Variants in GABRG3 observed in about 807,000 individuals in gnomAD.
GABRG3 encodes the protein gamma-aminobutyric acid type A receptor subunit gamma3.
In GABRG3, 25 loss-of-function variants were observed where a neutral mutation model predicts 48.8. That is an observed-to-expected ratio of 0.51 (90% CI 0.37 to 0.72). The LOEUF is 0.72. Ranked by LOEUF, GABRG3 falls within the 30% of genes least tolerant of loss-of-function variation. GABRG3 has a pLI of 0.00. For missense variants in GABRG3, 394 were observed against 577.9 expected (o/e 0.68, Z 3.26); for synonymous variants, 227 against 217.6 (o/e 1.04, Z -0.38).
Position 27,234,923 on chromosome 15 carries a change from G to A in GABRG3, c.271-91886G>A, listed in dbSNP as rs972281302. On this transcript the variant is annotated intron_variant, in intron 3 of 9. Transcript: ENST00000615808. ...GAGGTACCCAGCGTGAGGGAAAGGG[G>A]GTTGCTGTCAGGGTGGAGGGAGATG... 2.6e-5 allele frequency among the ~76,000 whole-genome samples: 4 copies of A among 152,138 alleles called. 1 individual carries two copies. Among genetic ancestry groups the A allele is most frequent in the Admixed American group, 6.5e-5 (1 of 15,282 alleles).
chr15:27,255,959 T>C (rs1238439239), intron 3 of GABRG3, among the ~76,000 whole-genome samples: 1 of 152,234 alleles, frequency 6.6e-6, no homozygotes, highest in Non-Finnish European at 1.5e-5. Flanking sequence ...CCACCAAAGA[T>C]GTTCACTTCT....
chr15:27,481,711 CTA>C (rs1302184811), intron 6 of GABRG3, among the ~76,000 whole-genome samples: 2 of 152,112 alleles, frequency 1.3e-5, no homozygotes, highest in Admixed American at 1.3e-4. Context: ...AAAAGATTCT[CTA>C]TGAGTGTCAT....
chr15:27,276,380 C>G (rs965179470), intron 3 of GABRG3, among the ~76,000 whole-genome samples: 1 of 152,084 alleles, frequency 6.6e-6, no homozygotes, highest in Non-Finnish European at 1.5e-5. Flanking sequence ...GTTTAGTTTC[C>G]CAGGCTGTTT....
At chr15:27,105,591 T>C (rs911716877) in intron 3 of GABRG3, among the ~76,000 whole-genome samples, 7 of 152,154 alleles carry the variant, frequency 4.6e-5, no homozygotes, top group African/African-American at 1.4e-4. Context: ...TAGAAATCAT[T>C]AACATAACGT....
chr15:27,113,258 G>T (rs1339333450), intron 3 of GABRG3, among the ~76,000 whole-genome samples: 17 of 151,660 alleles, frequency 1.1e-4, no homozygotes, highest in Non-Finnish European at 1.0e-4. Context: ...TTATTTCCCT[G>T]TACATTCTTT....
At chr15:27,308,732 CATACGTTTATATGTAAACATAT>C (rs1424239192) in intron 3 of GABRG3, among the ~76,000 whole-genome samples, 2 of 149,314 alleles carry the variant, frequency 1.3e-5, no homozygotes, top group Non-Finnish European at 3.0e-5. Flanking sequence ...ATAATGTAAA[CATACGTTTATATGTAAACATAT>C]AATGTAAACA....
At chr15:27,224,482 A>C (rs980030731) in intron 3 of GABRG3, among the ~76,000 whole-genome samples, 3 of 152,160 alleles carry the variant, frequency 2.0e-5, no homozygotes, top group Non-Finnish European at 1.5e-5. Flanking sequence ...TCCCACCTGC[A>C]CTGGCAGTGC....
chr15:27,480,809 C>T, intron 6 of GABRG3, 22 bp downstream of exon 6: 2 of 1,612,218 alleles, frequency 1.2e-6, no homozygotes, highest in Non-Finnish European at 1.7e-6. Flanking sequence ...CTGAAAGAGG[C>T]ACAGCTCTCA....
intron 5 of GABRG3, among the ~76,000 whole-genome samples, chr15:27,405,130 T>C (rs1887592405): frequency 6.6e-6 from 1 of 152,222 alleles, no homozygotes; most frequent in Non-Finnish European, 1.5e-5. Context: ...GGATGCATTC[T>C]TTGGTACATA....
intron 3 of GABRG3, among the ~76,000 whole-genome samples, chr15:27,072,928 G>A (rs145826119): frequency 0.026 from 3,913 of 152,292 alleles, 65 homozygotes; most frequent in Middle Eastern, 0.075. Flanking sequence ...CACTGCTCTG[G>A]CCAGCAGATA....
intron 5 of GABRG3, among the ~76,000 whole-genome samples, chr15:27,334,199 T>TA (rs2140523503): frequency 6.6e-6 from 1 of 152,302 alleles, no homozygotes; most frequent in East Asian, 1.9e-4. Context: ...TTAAGTCAAC[T>TA]AAAAAATTAA....
intron 2 of GABRG3, among the ~76,000 whole-genome samples, chr15:27,022,733 G>C (rs535293094): frequency 6.6e-6 from 1 of 152,218 alleles, no homozygotes; most frequent in East Asian, 1.9e-4. Context: ...CCCCAGCAAG[G>C]CTGCTGTCAG....
chr15:27,284,884 A>T (rs1234447185), intron 3 of GABRG3, among the ~76,000 whole-genome samples: 1 of 152,194 alleles, frequency 6.6e-6, no homozygotes, highest in Non-Finnish European at 1.5e-5. Context: ...AATTATATAC[A>T]TATTTTCTTT....
intron 3 of GABRG3, among the ~76,000 whole-genome samples, chr15:27,090,848 T>C (rs1595518691): frequency 6.6e-6 from 1 of 152,366 alleles, no homozygotes; most frequent in East Asian, 1.9e-4. Flanking sequence ...TGATTTTTGT[T>C]GAGTTGATTT....
intron 3 of GABRG3, among the ~76,000 whole-genome samples, chr15:27,299,805 CAG>C (rs751375531): frequency 6.6e-6 from 1 of 152,082 alleles, no homozygotes; most frequent in Non-Finnish European, 1.5e-5. Context: ...GAGTGTGTGA[CAG>C]AGAGGGGGTA....
intron 3 of GABRG3, among the ~76,000 whole-genome samples, chr15:27,129,764 A>G (rs1897884519): frequency 1.3e-5 from 2 of 149,420 alleles, no homozygotes; most frequent in East Asian, 2.0e-4. Flanking sequence ...GTGGTGTCTC[A>G]TTGTAGTTTT....
At chr15:26,971,614 C>A in intron 1 of GABRG3, 26 bp downstream of exon 1, 1 of 1,521,602 alleles carries the variant, frequency 6.6e-7, no homozygotes. Context: ...GCCGCATCCC[C>A]GGAGGCCCCG....
chr15:27,145,664 T>TCGA (rs61419936), intron 3 of GABRG3, among the ~76,000 whole-genome samples: 7 of 134,364 alleles, frequency 5.2e-5, no homozygotes, highest in African/African-American at 1.9e-4. Flanking sequence ...TATCTATCTA[T>TCGA]TGTGCCAGAA....
rs1876000076 is a variant in GABRG3, at chr15:26,974,589, G to A, written c.54-2413G>A. 1.3e-5 allele frequency among the ~76,000 whole-genome samples: 2 copies of A among 151,764 alleles called. No homozygotes were observed. Among genetic ancestry groups the A allele is most frequent in the Admixed American group, 1.3e-4 (2 of 15,232 alleles). ...CCCAAGACAGAGACAGCAGAGGGAG[G>A]GAGGAAGGCACCTGGGCTGAGTCGC... On this transcript the variant is annotated intron_variant, in intron 1 of 9. Transcript: ENST00000615808. This position sits in a 1 kb window ranked among gnomAD's most constrained non-coding sequence, Gnocchi z 4.3.
Sources: allele counts gnomAD v4.1 joint callset (sites outside exome capture counted in the v4.1 genomes callset), GRCh38; gene constraint gnomAD v4.1.1; non-coding constraint Gnocchi (gnomAD v3.1); transcripts MANE v1.5; gene names NCBI Gene and HGNC (gene_info 2026-07-23, HGNC 2026-07-21).